Variants in CLNK observed in about 807,000 individuals in gnomAD.
CLNK encodes cytokine dependent hematopoietic cell linker.
In CLNK, 74 loss-of-function variants were observed where a neutral mutation model predicts 68.6. The ratio of observed to expected loss-of-function variants is 1.08; its 90% confidence interval spans 0.89 to 1.31. The LOEUF (loss-of-function observed/expected upper bound fraction) is 1.31, where lower values mean the gene tolerates loss of function less well. Among genes scored for constraint, CLNK ranks in the 50% most tolerant of loss-of-function variants. The pLI is 0.00. For synonymous variants in CLNK, 198 were observed against 172.2 expected (o/e 1.15, Z -1.17); for missense variants, 553 against 515.3 (o/e 1.07, Z -0.71).
chr4:10,530,629 T>A (rs1299255874), intron 12 of CLNK, among the ~76,000 whole-genome samples: 1 of 152,186 alleles, frequency 6.6e-6, no homozygotes, highest in Non-Finnish European at 1.5e-5. Flanking sequence ...ACCCCCCATC[T>A]CCCAATTCTT....
chr4:10,605,825 CAA>C (rs59881800), intron 2 of CLNK, among the ~76,000 whole-genome samples: 20,834 of 99,980 alleles, frequency 0.21, 1,524 homozygotes, highest in Middle Eastern at 0.3. Context: ...AGACTCTGTC[CAA>C]AAAAAAAAAA....
intron 2 of CLNK, chr4:10,598,725 A>G (rs775608825): frequency 2.4e-6 from 1 of 420,316 alleles, no homozygotes; most frequent in South Asian, 1.7e-5. Flanking sequence ...ATGCATTCCT[A>G]GTTCATTTAA....
chr4:10,642,419 A>T (rs375125707), intron 2 of CLNK, among the ~76,000 whole-genome samples: 7 of 152,198 alleles, frequency 4.6e-5, no homozygotes, highest in Middle Eastern at 3.4e-3. Flanking sequence ...AATAAGGAAC[A>T]TTTTTTTTCT....
At chr4:10,649,161 C>T (rs555527956) in intron 2 of CLNK, among the ~76,000 whole-genome samples, 4 of 152,186 alleles carry the variant, frequency 2.6e-5, no homozygotes, top group African/African-American at 7.2e-5. Flanking sequence ...ACGTAAAATC[C>T]TACTTCCTTC....
At chr4:10,576,885 T>C (rs144671676) in intron 4 of CLNK, among the ~76,000 whole-genome samples, 3 of 152,176 alleles carry the variant, frequency 2.0e-5, no homozygotes, top group African/African-American at 7.2e-5. Flanking sequence ...TTATTTTCAT[T>C]TGGAAACACT....
chr4:10,648,540 T>C (rs1176533186), intron 2 of CLNK, among the ~76,000 whole-genome samples: 1 of 152,224 alleles, frequency 6.6e-6, no homozygotes, highest in Non-Finnish European at 1.5e-5. Context: ...TCTATCTTCA[T>C]GATCAAATGT....
At chr4:10,689,293 C>G (rs141649628), upstream of CLNK, among the ~76,000 whole-genome samples, 80 of 152,050 alleles carry the variant, frequency 5.3e-4, 2 homozygotes, top group African/African-American at 1.9e-3. Context: ...AGACACTGTA[C>G]CAGGCTAACT....
chr4:10,506,464 T>A (rs1442589534), intron 17 of CLNK, among the ~76,000 whole-genome samples: 2 of 152,174 alleles, frequency 1.3e-5, no homozygotes, highest in Non-Finnish European at 2.9e-5. Flanking sequence ...GCAACTGAGA[T>A]CTTGGGGTTG....
At chr4:10,717,176 G>T in the CLNK span, among the ~76,000 whole-genome samples, 1 of 152,168 alleles carries the variant, frequency 6.6e-6, no homozygotes, top group African/African-American at 2.4e-5. Flanking sequence ...TCCTTGCCAG[G>T]CAATAAAAAG....
Position 10,501,386 on chromosome 4 carries a change from C to G in CLNK, c.1010G>C (p.Cys337Ser). The G allele has an allele frequency of 4.3e-6, 7 of 1,609,550 alleles. No individual in the cohort carries two copies. Among genetic ancestry groups the G allele is most frequent in the Non-Finnish European group, 5.9e-6 (7 of 1,178,608 alleles). Residue 337 changes from cysteine to serine, a missense_variant, in exon 18 of 19, where the codon TGT becomes TCT. Coordinates refer to ENST00000226951, the MANE Select transcript of CLNK (RefSeq NM_052964.4). ...GGGCTCTTCCTTGGATTTTGTGGAACAATCTCGGACCAAGAAACTACCATC... is the reference window on the plus strand; with the variant it reads ...GGGCTCTTCCTTGGATTTTGTGGAAGAATCTCGGACCAAGAAACTACCATC... ...NKDGSFLVRD[C>S]STKSKEEPYV...
chr4:10,715,773 G>C, the CLNK span, among the ~76,000 whole-genome samples: 19 of 152,150 alleles, frequency 1.2e-4, no homozygotes, highest in Non-Finnish European at 2.5e-4. Flanking sequence ...TGCTTGGTAG[G>C]AGAAGCCCTG....
At chr4:10,723,599 T>C in the CLNK span, among the ~76,000 whole-genome samples, 3 of 152,116 alleles carry the variant, frequency 2.0e-5, no homozygotes, top group Non-Finnish European at 4.4e-5. Context: ...TATGGTATTA[T>C]GGGAAATCAT....
At chr4:10,684,035 T>C (rs1577220194) in intron 1 of CLNK, among the ~76,000 whole-genome samples, 3 of 152,204 alleles carry the variant, frequency 2.0e-5, no homozygotes, top group African/African-American at 4.8e-5. Context: ...TTCTTTTCTG[T>C]CTCATTCCAG....
At chr4:10,513,799 C>A (rs1717710490) in intron 15 of CLNK, among the ~76,000 whole-genome samples, 1 of 150,888 alleles carries the variant, frequency 6.6e-6, no homozygotes, top group Non-Finnish European at 1.5e-5. Context: ...CCTCTCTTTC[C>A]TTAGGGCTCC....
At chr4:10,589,410 C>A (rs1201701850) in intron 3 of CLNK, among the ~76,000 whole-genome samples, 2 of 152,186 alleles carry the variant, frequency 1.3e-5, no homozygotes, top group Admixed American at 1.3e-4. Flanking sequence ...TTATCTGATC[C>A]AGTCTACCTC....
intron 2 of CLNK, among the ~76,000 whole-genome samples, chr4:10,614,916 G>A (rs1405843300): frequency 6.6e-6 from 1 of 152,172 alleles, no homozygotes; most frequent in African/African-American, 2.4e-5. Context: ...TGGGTGCGGT[G>A]GCTCACACCT....
chr4:10,556,774 C>T (rs1048776370), intron 8 of CLNK, among the ~76,000 whole-genome samples: 3 of 151,964 alleles, frequency 2.0e-5, no homozygotes, highest in Non-Finnish European at 2.9e-5. Flanking sequence ...AATTAATGTG[C>T]TGGTTAAAGA....
At chr4:10,575,081 C>T (rs752691333) in intron 4 of CLNK, among the ~76,000 whole-genome samples, 3 of 152,174 alleles carry the variant, frequency 2.0e-5, no homozygotes, top group Non-Finnish European at 4.4e-5. Flanking sequence ...TGTCCTGCTA[C>T]ACCTTGGCTA....
At chr4:10,551,916 C>T (rs1719479789) in intron 8 of CLNK, among the ~76,000 whole-genome samples, 1 of 148,240 alleles carries the variant, frequency 6.7e-6, no homozygotes, top group African/African-American at 2.5e-5. Flanking sequence ...GGCATGATGT[C>T]GTCTCACTGC....
Sources: gnomAD v4.1 joint callset for allele counts (sites outside exome capture counted in the v4.1 genomes callset) on GRCh38, gnomAD v4.1.1 for gene constraint, MANE v1.5 for transcripts, NCBI Gene and HGNC (gene_info 2026-07-23, HGNC 2026-07-21) for gene names.